Variants in ADGRL1 observed in about 807,000 individuals in gnomAD.
ADGRL1 encodes the protein adhesion G protein-coupled receptor L1, also known as CIRL-1.
Under a neutral mutation model 148.9 loss-of-function variants are expected in ADGRL1, and 31 were observed. The ratio of observed to expected loss-of-function variants is 0.21; its 90% CI spans 0.16 to 0.28. ADGRL1 has a LOEUF of 0.28. Ranked by LOEUF, ADGRL1 falls within the 10% of genes least tolerant of loss-of-function variation. The pLI, the probability that ADGRL1 is intolerant of heterozygous loss-of-function variation, is 1.00. For synonymous variants in ADGRL1, 937 were observed against 900.3 expected (o/e 1.04, Z -0.73); for missense variants, 1,521 against 2,058.8 (o/e 0.74, Z 5.05).
chr19:14,175,923 G>A (rs951783801), intron 3 of ADGRL1, among the ~76,000 whole-genome samples: 2 of 152,174 alleles, frequency 1.3e-5, no homozygotes, highest in African/African-American at 2.4e-5. Context: ...GCATGATGGT[G>A]CGTACCTGTA....
In ADGRL1 at chr19:14,157,190, T is replaced by A; in HGVS notation, c.2746-45A>T. 6.2e-7 allele frequency: 1 copy of A among 1,612,140 alleles called. No homozygotes were observed. Among genetic ancestry groups the A allele is most frequent in the South Asian group, 1.1e-5 (1 of 91,032 alleles). Reference sequence around the variant, plus strand: ...TGAGGGGCTGCTGCCTGGACAGGTGTCCCCCTTCTTCTCCCGGCCCCCAGG... The same window carrying A: ...TGAGGGGCTGCTGCCTGGACAGGTGACCCCCTTCTTCTCCCGGCCCCCAGG... On this transcript the variant is annotated intron_variant, in intron 14 of 22. Coordinates refer to ENST00000361434, the MANE Select transcript of ADGRL1 (RefSeq NM_014921.5). This position sits in a 1 kb window ranked among gnomAD's most constrained non-coding sequence, Gnocchi z 7.5.
Position 14,160,858 on chromosome 19 carries a change from G to A in ADGRL1, c.1511-162C>T, listed in dbSNP as rs1027863248. On this transcript the variant is annotated intron_variant, in intron 6 of 22. Coordinates refer to ENST00000361434, the MANE Select transcript of ADGRL1 (RefSeq NM_014921.5). This position sits in a 1 kb window ranked among gnomAD's most constrained non-coding sequence, Gnocchi z 5.9. The stretch of plus-strand genomic sequence containing the variant: ...CAGACATGAAGCGGGCTGGACAGTC[G>A]AAAGAGGCGCCACTCACTTCCCCTG... 5.9e-5 allele frequency among the ~76,000 whole-genome samples: 9 copies of A among 152,134 alleles called. No homozygotes were observed. The highest frequency in any genetic ancestry group is 1.2e-4 in the Non-Finnish European group (8 of 67,998).
Position 14,177,734 on chromosome 19 carries a change from C to T in ADGRL1, c.81G>A (p.Arg27=). The T allele has an allele frequency of 1.2e-6, 2 of 1,611,258 alleles. No homozygotes were observed. Among genetic ancestry groups the T allele is most frequent in the Non-Finnish European group, 1.7e-6 (2 of 1,179,550 alleles). Residue 27 remains arginine (R), a synonymous_variant, in exon 3 of 23, where the codon CGG becomes CGA. Coordinates refer to ENST00000361434, the MANE Select transcript of ADGRL1 (RefSeq NM_014921.5). ...GCATCAGCCCGAACGGGAGCCCGGC[C>T]CGGCTCAGGCCTGCAGGGAGGGTTG... ...LVTSATQGLS[R]AGLPFGLMRR...
chr19:14,154,281 T>C (rs571808372), intron 18 of ADGRL1, among the ~76,000 whole-genome samples: 4 of 152,198 alleles, frequency 2.6e-5, no homozygotes, highest in Non-Finnish European at 5.9e-5. Flanking sequence ...GCCTCTGCCA[T>C]CCCCTGCCTT....
chr19:14,194,299 T>C (rs1340564671), intron 1 of ADGRL1, among the ~76,000 whole-genome samples: 1 of 152,118 alleles, frequency 6.6e-6, no homozygotes, highest in Non-Finnish European at 1.5e-5. Context: ...AGGAAATTCA[T>C]ATAGGGAGTC....
rs534151593 is a variant in ADGRL1 at position 14,152,928 on chromosome 19, C to G, written c.3295-16G>C. 10 of 1,612,762 alleles carry G rather than the reference C, an allele frequency of 6.2e-6. No individual in the cohort carries two copies. In the South Asian group the frequency reaches 9.9e-5, roughly 16 times the overall value. On this transcript the variant is annotated splice_polypyrimidine_tract_variant and intron_variant, in intron 18 of 22. Coordinates refer to ENST00000361434, the MANE Select transcript of ADGRL1 (RefSeq NM_014921.5). This position sits in a 1 kb window ranked among gnomAD's most constrained non-coding sequence, Gnocchi z 6.1. ...CCTTGTGCACCTGGGAGGTGGAGGA[C>G]AGTCAGCTGGCTGGGACACTGGCCT...
In ADGRL1 at chr19:14,175,231, C is replaced by A. The variant is rs201300515; in HGVS notation, c.284+2300G>T. 3.3e-5 allele frequency among the ~76,000 whole-genome samples: 5 copies of A among 152,174 alleles called. No homozygotes were observed. In the East Asian group the frequency reaches 9.7e-4, roughly 29 times the overall value. ...CTTGTGCAGATTTGCACACGTGGTG[C>A]CTCAGCCTGGGGCAACCCCTCCACG... On this transcript the variant is annotated intron_variant, in intron 3 of 22. Coordinates refer to ENST00000361434, the MANE Select transcript of ADGRL1 (RefSeq NM_014921.5).
Position 14,160,617 on chromosome 19 carries a change from G to C in ADGRL1, c.1590C>G (p.Pro530=). The C allele has an allele frequency of 6.2e-7, 1 of 1,610,744 alleles. No individual in the cohort carries two copies. The highest frequency in any genetic ancestry group is 2.2e-5 in the East Asian group (1 of 44,826). Residue 530 remains proline, a synonymous_variant, in exon 7 of 23, where the codon CCC becomes CCG. Coordinates refer to ENST00000361434, the MANE Select transcript of ADGRL1 (RefSeq NM_014921.5). The surrounding 1 kb of genome is among the most constrained non-coding windows in gnomAD (Gnocchi z 5.9). The part of the protein sequence containing the change: ...RGPDLSNCTS[P]WVNQVAQKIK... The stretch of plus-strand genomic sequence containing the variant: ...CCTTCTGGGCCACCTGGTTGACCCA[G>C]GGGGAGGTGCAGTTGCTGAGGTCAG...
rs934551112 is a variant in ADGRL1 at position 14,167,155 on chromosome 19, T to C, written c.394+3527A>G. On this transcript the variant is annotated intron_variant, in intron 4 of 22. Transcript: ENST00000361434. ...TTCTGGCAACACGCCCCCTTTTCCTTTCCTTCCTCGCTCCTGCTTCCCCAA... is the reference window on the plus strand; with the variant it reads ...TTCTGGCAACACGCCCCCTTTTCCTCTCCTTCCTCGCTCCTGCTTCCCCAA... 4.8e-5 allele frequency: 40 copies of C among 841,042 alleles called. No individual in the cohort carries two copies. The East Asian group carries it at 1.1e-3, about 22-fold the overall frequency. 52.1% of individuals were successfully genotyped at this position (841,042 alleles called of 1,614,324 possible).
At chr19:14,167,743 T>C (rs1336042552) in intron 4 of ADGRL1, among the ~76,000 whole-genome samples, 1 of 150,278 alleles carries the variant, frequency 6.7e-6, no homozygotes, top group Non-Finnish European at 1.5e-5. Flanking sequence ...AGAGCCAGGG[T>C]TGGGGAGACG....
intron 2 of ADGRL1, 48 bp downstream of exon 2, chr19:14,183,484 CA>C (rs1568616712): frequency 7.2e-7 from 1 of 1,386,552 alleles, no homozygotes; most frequent in South Asian, 1.3e-5. Flanking sequence ...CTGCCCCCCC[CA>C]GAAGGGTTTG....
At chr19:14,170,530 T>C (rs1373167486) in intron 4 of ADGRL1, 152 bp downstream of exon 4, 14 of 573,134 alleles carry the variant, frequency 2.4e-5, no homozygotes, top group Non-Finnish European at 3.5e-5. Flanking sequence ...TGTCTGGGAT[T>C]AGAGAATGTG....
chr19:14,164,101 C>A (rs538746559), intron 4 of ADGRL1, among the ~76,000 whole-genome samples: 1 of 150,622 alleles, frequency 6.6e-6, no homozygotes, highest in African/African-American at 2.4e-5. Context: ...TCCCCACCCC[C>A]CACCCAGTAC....
Position 14,148,068 on chromosome 19 carries a change from C to A in ADGRL1, c.*2805G>T, listed in dbSNP as rs1354049798. 1 of 152,756 alleles carries A rather than the reference C, an allele frequency of 6.5e-6. No homozygotes were observed. Among genetic ancestry groups the A allele is most frequent in the East Asian group, 1.9e-4 (1 of 5,186 alleles). 9.5% of individuals were successfully genotyped at this position (152,756 alleles called of 1,614,324 possible). A position where few individuals can be genotyped will look rare whatever the true frequency, so the allele number is the denominator to read the frequency against. On this transcript the variant is annotated 3_prime_UTR_variant, in exon 23 of 23. Coordinates refer to ENST00000361434, the MANE Select transcript of ADGRL1 (RefSeq NM_014921.5). ...AGGGAAAGCCAAAAGAAACCAAAAT[C>A]CAGAGAAAAAGAATTAACAAGATTT...
Position 14,160,433 on chromosome 19 carries a change from C to G in ADGRL1, c.1615-136G>C. On this transcript the variant is annotated intron_variant, in intron 7 of 22. Transcript: ENST00000361434. The surrounding 1 kb of genome is among the most constrained non-coding windows in gnomAD (Gnocchi z 5.9). Reference sequence around the variant, plus strand: ...CATCGCCATCTGCCCCTTCCCACCCCATCTGTCCCTGCTCCCTTTGTAGGC... The same window carrying G: ...CATCGCCATCTGCCCCTTCCCACCCGATCTGTCCCTGCTCCCTTTGTAGGC... 1 of 950,310 alleles carries G rather than the reference C, an allele frequency of 1.1e-6. No individual in the cohort carries two copies. Among genetic ancestry groups the G allele is most frequent in the Non-Finnish European group, 1.5e-6 (1 of 645,856 alleles). The allele number at this position is 950,310 out of a possible 1,614,324, so 58.9% of individuals were successfully genotyped here. A position where few individuals can be genotyped will look rare whatever the true frequency, so the allele number is the denominator to read the frequency against.
Position 14,152,921 on chromosome 19 carries a change from TG to T in ADGRL1, c.3295-10del. On this transcript the variant is annotated splice_polypyrimidine_tract_variant and intron_variant, in intron 18 of 22. Coordinates refer to ENST00000361434, the MANE Select transcript of ADGRL1 (RefSeq NM_014921.5). The surrounding 1 kb of genome is among the most constrained non-coding windows in gnomAD (Gnocchi z 6.1). ...CTGTACTCCTTGTGCACCTGGGAGGTGGAGGACAGTCAGCTGGCTGGGACAC... is the reference window on the plus strand; with the variant it reads ...CTGTACTCCTTGTGCACCTGGGAGGTGAGGACAGTCAGCTGGCTGGGACAC... 6.2e-7 allele frequency: 1 copy of T among 1,613,106 alleles called. No individual in the cohort carries two copies. The highest frequency in any genetic ancestry group is 1.1e-5 in the South Asian group (1 of 91,008).
intron 2 of ADGRL1, among the ~76,000 whole-genome samples, chr19:14,183,219 G>GAGAGAC (rs1555790260): frequency 7.4e-4 from 111 of 150,998 alleles, no homozygotes; most frequent in African/African-American, 2.6e-3. Flanking sequence ...GAGAGAGAGC[G>GAGAGAC]AGAGAGAGAC....
At chr19:14,167,096 GAAA>G in intron 4 of ADGRL1, 1 of 1,301,710 alleles carries the variant, frequency 7.7e-7, no homozygotes, top group African/African-American at 1.5e-5. Context: ...GAAAAAAAGA[GAAA>G]AAAAAAGAGA....
rs144188451 is a variant in ADGRL1, at chr19:14,204,311, G to C, written c.-96+1674C>G. Among the ~76,000 whole-genome samples, 9 of 152,190 alleles carry C rather than the reference G, an allele frequency of 5.9e-5. No individual in the cohort carries two copies. The East Asian group carries it at 1.7e-3, about 30-fold the overall frequency. On this transcript the variant is annotated intron_variant, in intron 1 of 22. Coordinates refer to ENST00000361434, the MANE Select transcript of ADGRL1 (RefSeq NM_014921.5). ...GAGAAGTCACCTGCCCCCCAAAGCTGGGGCCTGACAGGGACCCACGCAGAG... is the reference window on the plus strand; with the variant it reads ...GAGAAGTCACCTGCCCCCCAAAGCTCGGGCCTGACAGGGACCCACGCAGAG...
Sources: allele counts gnomAD v4.1 joint callset (sites outside exome capture counted in the v4.1 genomes callset), GRCh38; gene constraint gnomAD v4.1.1; non-coding constraint Gnocchi (gnomAD v3.1); transcripts MANE v1.5; gene names NCBI Gene and HGNC (gene_info 2026-07-23, HGNC 2026-07-21).